ZC3H12B: variants seen among roughly 807,000 people sequenced by gnomAD.
ZC3H12B encodes zinc finger CCCH-type containing 12B.
In ZC3H12B, 7 loss-of-function variants were observed where a neutral mutation model predicts 43.9. The ratio of observed to expected loss-of-function variants is 0.16; its 90% CI spans 0.09 to 0.30. ZC3H12B has a LOEUF of 0.30. Ranked by LOEUF, ZC3H12B falls within the 10% of genes least tolerant of loss-of-function variation. The pLI is 1.00. For missense variants in ZC3H12B, 475 were observed against 670.2 expected, an observed-to-expected ratio of 0.71 and a Z score of 3.22; for synonymous variants, 222 against 241.7, an observed-to-expected ratio of 0.92 and a Z score of 0.76.
At chrX:65,324,079 A>T in the ZC3H12B span, among the ~76,000 whole-genome samples, 1 of 112,132 alleles carries the variant, frequency 8.9e-6, no homozygotes, top group African/African-American at 3.2e-5. Flanking sequence ...AGTTCCCTGT[A>T]GATTCTGGAT....
At chrX:65,363,953 A>G (rs1286557423), upstream of ZC3H12B, among the ~76,000 whole-genome samples, 8 of 110,981 alleles carry the variant, frequency 7.2e-5, no homozygotes, top group Admixed American at 6.7e-4. Flanking sequence ...CCTGGCCCAG[A>G]CTTCAATTCG....
the ZC3H12B span, among the ~76,000 whole-genome samples, chrX:65,083,055 C>A: frequency 9.0e-6 from 1 of 110,829 alleles, no homozygotes; most frequent in South Asian, 3.8e-4. Context: ...TGATAAAATT[C>A]AACATCACTT....
chrX:65,386,421 A>T (rs989663411), intron 2 of ZC3H12B, among the ~76,000 whole-genome samples: 1 of 111,357 alleles, frequency 9.0e-6, no homozygotes, highest in Non-Finnish European at 1.9e-5. Flanking sequence ...TGGATTTTCT[A>T]GTTTGTTTGC....
At chrX:65,382,005 G>A (rs901582002) in intron 2 of ZC3H12B, among the ~76,000 whole-genome samples, 1 of 111,792 alleles carries the variant, frequency 8.9e-6, no homozygotes, top group Admixed American at 9.5e-5. Flanking sequence ...TGGATTCACA[G>A]CCGATTCTAC....
At chrX:65,179,406 TAAA>T in the ZC3H12B span, among the ~76,000 whole-genome samples, 2 of 100,374 alleles carry the variant, frequency 2.0e-5, no homozygotes, top group African/African-American at 7.2e-5. Flanking sequence ...TAAAGTTATT[TAAA>T]AAAAAAAAAG....
chrX:65,097,402 G>T, the ZC3H12B span, among the ~76,000 whole-genome samples: 3 of 111,011 alleles, frequency 2.7e-5, no homozygotes, highest in Non-Finnish European at 5.7e-5. Context: ...ATTTTTCTGG[G>T]CCTTCATGTT....
At chrX:65,341,890 A>G in the ZC3H12B span, among the ~76,000 whole-genome samples, 1 of 111,481 alleles carries the variant, frequency 9.0e-6, no homozygotes, top group Non-Finnish European at 1.9e-5. Flanking sequence ...TAAACAAGAT[A>G]AATTCCCCAA....
chrX:65,362,923 C>T (rs1050994350), upstream of ZC3H12B, among the ~76,000 whole-genome samples: 1 of 111,021 alleles, frequency 9.0e-6, no homozygotes, highest in Non-Finnish European at 1.9e-5. Context: ...CAATACATCC[C>T]TTCACAACCC....
chrX:65,318,709 C>T, the ZC3H12B span, among the ~76,000 whole-genome samples: 1 of 111,163 alleles, frequency 9.0e-6, no homozygotes, highest in Non-Finnish European at 1.9e-5. Context: ...CGTGAACCAC[C>T]GCATCCAGCC....
At chrX:65,046,723 T>C in the ZC3H12B span, among the ~76,000 whole-genome samples, 3 of 111,943 alleles carry the variant, frequency 2.7e-5, no homozygotes, top group Non-Finnish European at 5.6e-5. Flanking sequence ...GACCTAGTTT[T>C]TGGCCTATCT....
At chrX:65,235,693 G>A in the ZC3H12B span, among the ~76,000 whole-genome samples, 1 of 111,522 alleles carries the variant, frequency 9.0e-6, no homozygotes, top group Admixed American at 9.5e-5. Flanking sequence ...GAAACATGGT[G>A]GTGCCCCAAA....
At chrX:65,116,990 T>C in the ZC3H12B span, among the ~76,000 whole-genome samples, 1 of 111,952 alleles carries the variant, frequency 8.9e-6, no homozygotes, top group Admixed American at 9.5e-5. Context: ...TCCAAGTCTT[T>C]GCTATTGTGA....
the ZC3H12B span, among the ~76,000 whole-genome samples, chrX:65,195,219 G>T: frequency 9.1e-6 from 1 of 110,401 alleles, no homozygotes; most frequent in African/African-American, 3.3e-5. Flanking sequence ...TTTTCTGGTT[G>T]ATTTGTGGTC....
the ZC3H12B span, among the ~76,000 whole-genome samples, chrX:65,279,718 T>A: frequency 1.3e-4 from 15 of 112,044 alleles, no homozygotes; most frequent in African/African-American, 4.9e-4. Flanking sequence ...AAAATAGACA[T>A]GTGGAATCTA....
chrX:65,075,357 TTACTC>T, the ZC3H12B span, among the ~76,000 whole-genome samples: 1 of 112,462 alleles, frequency 8.9e-6, no homozygotes, highest in African/African-American at 3.2e-5. Flanking sequence ...AACATACACT[TTACTC>T]TTCTGTCTCC....
At chrX:65,400,821 C>G (rs971746362) in intron 3 of ZC3H12B, among the ~76,000 whole-genome samples, 10 of 111,655 alleles carry the variant, frequency 9.0e-5, no homozygotes, top group African/African-American at 3.3e-4. Context: ...TAATCTCTAC[C>G]TGGTGATAAT....
intron 2 of ZC3H12B, among the ~76,000 whole-genome samples, chrX:65,373,388 T>C (rs988878114): frequency 1.8e-5 from 2 of 111,687 alleles, no homozygotes; most frequent in African/African-American, 3.3e-5. Flanking sequence ...ATCCCATTAC[T>C]GGGTATATAC....
the ZC3H12B span, among the ~76,000 whole-genome samples, chrX:65,138,098 A>T: frequency 8.9e-6 from 1 of 112,539 alleles, no homozygotes. Context: ...CCAAAGTCCT[A>T]GGACTACTGG....
At chrX:65,231,886 G>T in the ZC3H12B span, among the ~76,000 whole-genome samples, 2 of 111,188 alleles carry the variant, frequency 1.8e-5, no homozygotes, top group South Asian at 3.8e-4. Flanking sequence ...ATCATCACAG[G>T]GTCGTAAGGT....
Sources: gnomAD v4.1 joint callset for allele counts (sites outside exome capture counted in the v4.1 genomes callset) on GRCh38, gnomAD v4.1.1 for gene constraint, MANE v1.5 for transcripts, NCBI Gene and HGNC (gene_info 2026-07-23, HGNC 2026-07-21) for gene names.